BCLAF3: variants seen among roughly 807,000 people sequenced by gnomAD.
The protein encoded by BCLAF3 is transient octamer binding factor 1.
In BCLAF3, 24 loss-of-function variants were observed where a neutral mutation model predicts 51.2. The observed-to-expected ratio is 0.47, with a 90% confidence interval of 0.34 to 0.66. The LOEUF is 0.66. Among genes scored for constraint, BCLAF3 ranks in the 30% least tolerant of loss-of-function variants. The pLI is 0.01. For missense variants in BCLAF3, 465 were observed against 525.1 expected (o/e 0.89, Z 1.12); for synonymous variants, 152 against 176.6 (o/e 0.86, Z 1.10).
intron 10 of BCLAF3, among the ~76,000 whole-genome samples, chrX:19,931,012 A>G (rs2070531725): frequency 8.9e-6 from 1 of 112,624 alleles, no homozygotes; most frequent in South Asian, 3.6e-4. Flanking sequence ...CTATTTAAGA[A>G]TCAAAAACTC....
intron 4 of BCLAF3, among the ~76,000 whole-genome samples, chrX:19,959,970 A>T (rs1485153439): frequency 2.8e-5 from 3 of 108,942 alleles, no homozygotes; most frequent in African/African-American, 3.3e-5. Context: ...TAATTTTTGT[A>T]TTTTTTGTAA....
At chrX:19,956,170 C>G (rs1317191155) in intron 4 of BCLAF3, among the ~76,000 whole-genome samples, 1 of 111,684 alleles carries the variant, frequency 9.0e-6, no homozygotes, top group Non-Finnish European at 1.9e-5. Context: ...CAGTGTTCAC[C>G]CTCAATGTAC....
intron 11 of BCLAF3, among the ~76,000 whole-genome samples, chrX:19,924,080 G>A (rs1044876461): frequency 2.7e-5 from 3 of 110,805 alleles, no homozygotes; most frequent in East Asian, 2.8e-4. Context: ...GATTACAGGC[G>A]TGAGCCACCG....
At chrX:19,951,735 C>T (rs2071489872) in intron 7 of BCLAF3, among the ~76,000 whole-genome samples, 2 of 110,516 alleles carry the variant, frequency 1.8e-5, no homozygotes, top group South Asian at 7.7e-4. Context: ...CAAGACCAGC[C>T]TGGGCAACAT....
At position 19,914,278 on chromosome X, in the gene BCLAF3, A is replaced by G. The variant is rs2069878398; in HGVS notation, c.*3027T>C. 1 of 111,109 alleles carries G rather than the reference A, an allele frequency of 9.0e-6. No individual in the cohort carries two copies. The highest frequency in any genetic ancestry group is 3.3e-5 in the African/African-American group (1 of 30,537). The allele number at this position is 111,109 out of a possible 1,213,427, so 9.2% of individuals were successfully genotyped here. Reference sequence around the variant, plus strand: ...TCCATACTGGGGCCCACTGTTACCAATATTTTTGTCATCTCCATTGTTTTA... The same window carrying G: ...TCCATACTGGGGCCCACTGTTACCAGTATTTTTGTCATCTCCATTGTTTTA... On this transcript the variant is annotated 3_prime_UTR_variant, in exon 12 of 12. Transcript: ENST00000379682.
Position 19,916,468 on chromosome X carries a change from T to C in BCLAF3, c.*837A>G. 1 of 112,486 alleles carries C rather than the reference T, an allele frequency of 8.9e-6. No homozygotes were observed. Among genetic ancestry groups the C allele is most frequent in the Admixed American group, 9.5e-5 (1 of 10,504 alleles). The allele number at this position is 112,486 out of a possible 1,213,427, so 9.3% of individuals were successfully genotyped here. ...TCAACTGAACTAAAAGTAAACACTC[T>C]ATAAGATGTGCTTGCAAAATGTGTA... On this transcript the variant is annotated 3_prime_UTR_variant, in exon 12 of 12. Transcript: ENST00000379682.
At chrX:19,966,686 A>G (rs192589273) in intron 2 of BCLAF3, 37 bp from the exon 3 acceptor site, 1 of 1,128,546 alleles carries the variant, frequency 8.9e-7, no homozygotes, top group African/African-American at 1.8e-5. Context: ...AAACCATTTA[A>G]TCAACTAAGC....
chrX:19,979,288 C>T (rs1408470260), intron 1 of BCLAF3, among the ~76,000 whole-genome samples: 2 of 110,487 alleles, frequency 1.8e-5, no homozygotes, highest in Non-Finnish European at 3.8e-5. Flanking sequence ...CCTTAGCTAC[C>T]CCAACCTTCA....
rs11336313 is a variant in BCLAF3, at chrX:19,913,815, TA to T, written c.*3489del. The T allele has an allele frequency of 0.34, 37,534 of 111,292 alleles. 7,355 individuals carry two copies. The highest frequency in any genetic ancestry group is 0.75 in the African/African-American group (22,849 of 30,461). 9.2% of individuals were successfully genotyped at this position (111,292 alleles called of 1,213,427 possible). ...CATGAATGATGAGACGGTTAGTTCT[TA>T]AGTCTTTATCCCACTTTACCTCCTC... On this transcript the variant is annotated 3_prime_UTR_variant, in exon 12 of 12. Transcript: ENST00000379682.
intron 9 of BCLAF3, among the ~76,000 whole-genome samples, chrX:19,936,693 T>A (rs1386469796): frequency 8.9e-6 from 1 of 111,835 alleles, no homozygotes; most frequent in Non-Finnish European, 1.9e-5. Flanking sequence ...CGACTCTGGC[T>A]TCCATCTTTC....
intron 1 of BCLAF3, among the ~76,000 whole-genome samples, chrX:19,974,435 G>A (rs951515727): frequency 8.9e-6 from 1 of 112,171 alleles, no homozygotes. Context: ...TGTGGATGCT[G>A]CTGGTCCAGG....
chrX:19,989,134 T>TAA (rs368934510), intron 1 of BCLAF3, among the ~76,000 whole-genome samples: 14 of 99,217 alleles, frequency 1.4e-4, no homozygotes, highest in African/African-American at 5.1e-4. Flanking sequence ...CAATTCACAT[T>TAA]AAAAAAAAAA....
intron 1 of BCLAF3, among the ~76,000 whole-genome samples, chrX:19,975,150 G>A (rs1039780628): frequency 9.1e-6 from 1 of 109,668 alleles, no homozygotes; most frequent in Non-Finnish European, 1.9e-5. Context: ...AGCTGATAAC[G>A]AGAAGTACTA....
chrX:19,937,255 T>A (rs1293248184), intron 9 of BCLAF3, 163 bp downstream of exon 9: 4 of 447,621 alleles, frequency 8.9e-6, no homozygotes, highest in Non-Finnish European at 1.6e-5. Flanking sequence ...AAGTAAGAAA[T>A]GACCATTTCT....
rs1389677428 is a variant in BCLAF3, at chrX:19,915,894, AAT to A, written c.*1409_*1410del. ...CTTTCTTACCATAAGTGGAATGCTA[AAT>A]ATGTTTGGAAAACCTGACCTATAGA... On this transcript the variant is annotated 3_prime_UTR_variant, in exon 12 of 12. Coordinates refer to ENST00000379682, the MANE Select transcript of BCLAF3 (RefSeq NM_001367774.2). 1 of 111,886 alleles carries A rather than the reference AAT, an allele frequency of 8.9e-6. No homozygotes were observed. Among genetic ancestry groups the A allele is most frequent in the Admixed American group, 9.5e-5 (1 of 10,489 alleles). 9.2% of individuals were successfully genotyped at this position (111,886 alleles called of 1,213,427 possible).
Position 19,913,457 on chromosome X carries a change from GATAA to G in BCLAF3, c.*3844_*3847del, listed in dbSNP as rs1047217069. 3.5e-5 allele frequency: 4 copies of G among 112,715 alleles called. No homozygotes were observed. Among genetic ancestry groups the G allele is most frequent in the African/African-American group, 1.3e-4 (4 of 31,080 alleles). The allele number at this position is 112,715 out of a possible 1,213,427, so 9.3% of individuals were successfully genotyped here. ...AAATTGAAGGGGCTGCTGAACTTCAGATAAATGTTTCTTCATTGGTTCCTAAAAG... is the reference window on the plus strand; with the variant it reads ...AAATTGAAGGGGCTGCTGAACTTCAGATGTTTCTTCATTGGTTCCTAAAAG... On this transcript the variant is annotated 3_prime_UTR_variant, in exon 12 of 12. Coordinates refer to ENST00000379682, the MANE Select transcript of BCLAF3 (RefSeq NM_001367774.2).
chrX:19,982,425 A>G (rs764016472), intron 1 of BCLAF3, among the ~76,000 whole-genome samples: 1 of 111,350 alleles, frequency 9.0e-6, no homozygotes, highest in South Asian at 3.7e-4. Flanking sequence ...ATGGATTATT[A>G]TCTTGGCCAC....
chrX:19,938,303 A>G (rs2070853760), intron 8 of BCLAF3, among the ~76,000 whole-genome samples: 1 of 110,420 alleles, frequency 9.1e-6, no homozygotes, highest in South Asian at 3.9e-4. Context: ...GATAACTTCC[A>G]CACTCCTCAT....
chrX:19,987,388 T>TCC (rs1278580992), intron 1 of BCLAF3, among the ~76,000 whole-genome samples: 1 of 112,092 alleles, frequency 8.9e-6, no homozygotes, highest in Admixed American at 9.5e-5. Context: ...CACTGCAACC[T>TCC]CCGCCTCCTG....
Sources: allele counts gnomAD v4.1 joint callset (sites outside exome capture counted in the v4.1 genomes callset), GRCh38; gene constraint gnomAD v4.1.1; transcripts MANE v1.5; gene names NCBI Gene and HGNC (gene_info 2026-07-23, HGNC 2026-07-21).